Variants in JAZF1 observed in about 807,000 individuals in gnomAD.
JAZF1 encodes JAZF zinc finger 1.
JAZF1 carries 8 observed loss-of-function variants against 26.4 expected under a neutral mutation model. That is an observed-to-expected ratio of 0.30 (90% CI 0.18 to 0.55). JAZF1 has a LOEUF of 0.55. Ranked by LOEUF, JAZF1 falls within the 20% of genes least tolerant of loss-of-function variation. The pLI is 0.94. For synonymous variants in JAZF1, 126 were observed against 122.3 expected, an observed-to-expected ratio of 1.03 and a Z score of -0.20; for missense variants, 199 against 322.0, an observed-to-expected ratio of 0.62 and a Z score of 2.92.
At chr7:28,011,944 A>G (rs1418107862) in intron 1 of JAZF1, among the ~76,000 whole-genome samples, 1 of 152,198 alleles carries the variant, frequency 6.6e-6, no homozygotes, top group Non-Finnish European at 1.5e-5. Flanking sequence ...AGTTGAGTTT[A>G]TTTTTTAAAA....
chr7:27,835,497 C>A (rs1782789191), intron 4 of JAZF1, among the ~76,000 whole-genome samples: 1 of 152,192 alleles, frequency 6.6e-6, no homozygotes, highest in Non-Finnish European at 1.5e-5. Flanking sequence ...ACACCACACA[C>A]ACATCAGCTT....
In JAZF1 at chr7:27,832,720, G is replaced by A; in HGVS notation, c.*80C>T. ...CTTTTTCTTTAAAGGGTTGCTGAAT[G>A]CTTCCCCTGAAAAAAGGTGGCTGTT... On this transcript the variant is annotated 3_prime_UTR_variant, in exon 5 of 5. Coordinates refer to ENST00000283928, the MANE Select transcript of JAZF1 (RefSeq NM_175061.4). 2 of 1,173,800 alleles carry A rather than the reference G, an allele frequency of 1.7e-6. No individual in the cohort carries two copies. The highest frequency in any genetic ancestry group is 2.6e-5 in the East Asian group (1 of 39,134). The allele number at this position is 1,173,800 out of a possible 1,614,324, so 72.7% of individuals were successfully genotyped here. A position where few individuals can be genotyped will look rare whatever the true frequency, so the allele number is the denominator to read the frequency against.
chr7:27,936,741 C>T (rs542558813), intron 2 of JAZF1, among the ~76,000 whole-genome samples: 1 of 152,174 alleles, frequency 6.6e-6, no homozygotes, highest in South Asian at 2.1e-4. Context: ...TCTATCCTGC[C>T]TGTCGATGGC....
At chr7:28,043,468 G>A (rs1783439547) in intron 1 of JAZF1, among the ~76,000 whole-genome samples, 1 of 152,032 alleles carries the variant, frequency 6.6e-6, no homozygotes, top group Non-Finnish European at 1.5e-5. Context: ...ATTCATATTT[G>A]TGCTCTCCTG....
chr7:27,838,954 G>A (rs1326282303), intron 4 of JAZF1, among the ~76,000 whole-genome samples: 2 of 152,172 alleles, frequency 1.3e-5, no homozygotes. Context: ...AGTGGCCTTG[G>A]GTGGAGAGAG....
intron 2 of JAZF1, among the ~76,000 whole-genome samples, chr7:27,949,163 C>T (rs1343612069): frequency 6.6e-6 from 1 of 152,176 alleles, no homozygotes; most frequent in Non-Finnish European, 1.5e-5. Context: ...AACAATAATA[C>T]TGACATCTGG....
At chr7:27,884,823 T>C (rs1562518351) in intron 3 of JAZF1, among the ~76,000 whole-genome samples, 1 of 152,244 alleles carries the variant, frequency 6.6e-6, no homozygotes, top group South Asian at 2.1e-4. Context: ...ATCCGTCTTT[T>C]GTGGATACAT....
At chr7:28,171,790 A>G (rs1783473261) in intron 1 of JAZF1, among the ~76,000 whole-genome samples, 1 of 152,216 alleles carries the variant, frequency 6.6e-6, no homozygotes, top group Admixed American at 6.5e-5. Context: ...GGTAATGTCT[A>G]CTTCACAGGC....
chr7:27,864,182 G>T (rs1338794710), intron 3 of JAZF1: 2 of 152,228 alleles, frequency 1.3e-5, no homozygotes, highest in African/African-American at 4.8e-5. Flanking sequence ...CATCAGGGAA[G>T]AAGGAAGAAT....
chr7:28,092,964 T>C (rs1784327010), intron 1 of JAZF1, among the ~76,000 whole-genome samples: 1 of 152,200 alleles, frequency 6.6e-6, no homozygotes, highest in South Asian at 2.1e-4. Context: ...CTTAAATATC[T>C]TTCCTAAAAC....
At chr7:27,922,878 A>G (rs1784554939) in intron 2 of JAZF1, among the ~76,000 whole-genome samples, 1 of 152,264 alleles carries the variant, frequency 6.6e-6, no homozygotes, top group Non-Finnish European at 1.5e-5. Flanking sequence ...CATTATGATC[A>G]ACATTCGCCT....
chr7:27,852,019 T>C (rs1361331132), intron 3 of JAZF1, among the ~76,000 whole-genome samples: 1 of 151,960 alleles, frequency 6.6e-6, no homozygotes, highest in Non-Finnish European at 1.5e-5. Context: ...GGACCCACAC[T>C]GATGCTTGGT....
intron 1 of JAZF1, among the ~76,000 whole-genome samples, chr7:28,059,500 A>T (rs1205803692): frequency 6.6e-6 from 1 of 152,186 alleles, no homozygotes; most frequent in African/African-American, 2.4e-5. Context: ...CATGCTATAA[A>T]CAACACATAT....
At chr7:27,950,796 C>G (rs1486024747) in intron 2 of JAZF1, among the ~76,000 whole-genome samples, 2 of 152,106 alleles carry the variant, frequency 1.3e-5, no homozygotes, top group African/African-American at 4.8e-5. Context: ...TAGTTGGTCA[C>G]AGCATTCATA....
chr7:27,899,749 G>A (rs1411437057), intron 2 of JAZF1, among the ~76,000 whole-genome samples: 1 of 152,124 alleles, frequency 6.6e-6, no homozygotes, highest in Non-Finnish European at 1.5e-5. Context: ...GAGCAGGAAG[G>A]AACCTTGGTT....
intron 1 of JAZF1, among the ~76,000 whole-genome samples, chr7:28,087,955 G>A (rs1274691532): frequency 6.6e-6 from 1 of 152,124 alleles, no homozygotes; most frequent in Non-Finnish European, 1.5e-5. Context: ...TAAAGAGAAG[G>A]CTTTGACAAA....
At chr7:28,111,076 T>C (rs1784654134) in intron 1 of JAZF1, among the ~76,000 whole-genome samples, 1 of 152,214 alleles carries the variant, frequency 6.6e-6, no homozygotes, top group Non-Finnish European at 1.5e-5. Flanking sequence ...CAACTAGATC[T>C]GGCTGAAGAA....
In JAZF1 at chr7:27,830,976, AAAT is replaced by A. The variant is rs1446045384; in HGVS notation, c.*1821_*1823del. 7.8e-5 allele frequency: 17 copies of A among 219,072 alleles called. No individual in the cohort carries two copies. The highest frequency in any genetic ancestry group is 5.4e-4 in the East Asian group (8 of 14,758). 13.6% of individuals were successfully genotyped at this position (219,072 alleles called of 1,614,324 possible). ...TTCTTGCACTAGAAAGAGCGAAGCT[AAAT>A]AATAATTGCTGGCCTAAAAAATTTT... is the stretch of plus-strand genomic sequence containing the variant. On this transcript the variant is annotated 3_prime_UTR_variant, in exon 5 of 5. Transcript: ENST00000283928.
chr7:28,069,816 C>T (rs1179621424), intron 1 of JAZF1, among the ~76,000 whole-genome samples: 2 of 152,214 alleles, frequency 1.3e-5, no homozygotes, highest in African/African-American at 2.4e-5. Flanking sequence ...AGCGTTGAGC[C>T]GTGTTCTCAA....
Sources: gnomAD v4.1 joint callset for allele counts (sites outside exome capture counted in the v4.1 genomes callset) on GRCh38, gnomAD v4.1.1 for gene constraint, MANE v1.5 for transcripts, NCBI Gene and HGNC (gene_info 2026-07-23, HGNC 2026-07-21) for gene names.